The following APAF1 variants were observed in gnomAD, a reference collection of about 807,000 sequenced individuals.
APAF1 encodes the protein apoptotic protease-activating factor 1.
Under a neutral mutation model 152.4 loss-of-function variants are expected in APAF1, and 91 were observed. That is an observed-to-expected ratio of 0.60 (90% CI 0.50 to 0.71). The LOEUF (loss-of-function observed/expected upper bound fraction) is 0.71. Ranked by LOEUF, APAF1 falls within the 30% of genes least tolerant of loss-of-function variation. The pLI, the probability that APAF1 is intolerant of heterozygous loss-of-function variation, is 0.00. For synonymous variants in APAF1, 484 were observed against 494.1 expected (o/e 0.98, Z 0.27); for missense variants, 1,283 against 1,472.0 (o/e 0.87, Z 2.10).
Position 98,718,633 on chromosome 12 carries a change from G to A in APAF1, c.3084+3081G>A, listed in dbSNP as rs1450124015. Reference sequence around the variant, plus strand: ...CTGCAGCTCGTTCTCTTATTTTCACGAGGCATTAAAAATATGGCCTTACTG... The same window carrying A: ...CTGCAGCTCGTTCTCTTATTTTCACAAGGCATTAAAAATATGGCCTTACTG... On this transcript the variant is annotated intron_variant, in intron 22 of 26. Coordinates refer to ENST00000551964, the MANE Select transcript of APAF1 (RefSeq NM_181861.2). 2.6e-5 allele frequency among the ~76,000 whole-genome samples: 4 copies of A among 151,966 alleles called. No individual in the cohort carries two copies. The East Asian group carries it at 7.8e-4, about 29-fold the overall frequency.
chr12:98,664,926 T>C (rs779406623), intron 7 of APAF1, among the ~76,000 whole-genome samples: 1 of 152,236 alleles, frequency 6.6e-6, no homozygotes, highest in African/African-American at 2.4e-5. Context: ...TATTGATATA[T>C]CTTAATTTAT....
chr12:98,686,662 A>G, intron 15 of APAF1, 86 bp from the exon 16 acceptor site: 6 of 1,331,874 alleles, frequency 4.5e-6, no homozygotes, highest in Non-Finnish European at 6.3e-6. Context: ...AGCTTAAATG[A>G]GAGAAAAGGA....
rs1382425323 is a variant in APAF1 at position 98,735,232 on chromosome 12, C to G, written c.*2666C>G. On this transcript the variant is annotated 3_prime_UTR_variant, in exon 27 of 27. Transcript: ENST00000551964. Reference sequence around the variant, plus strand: ...AGATGAGCATTTCTAAAGCATTTTCCCTTGCTGTATTTTTTTGTATTATAA... The same window carrying G: ...AGATGAGCATTTCTAAAGCATTTTCGCTTGCTGTATTTTTTTGTATTATAA... 2.5e-6 allele frequency: 1 copy of G among 398,700 alleles called. No individual in the cohort carries two copies. Among genetic ancestry groups the G allele is most frequent in the African/African-American group, 2.1e-5 (1 of 48,520 alleles). 24.7% of individuals were successfully genotyped at this position (398,700 alleles called of 1,614,324 possible).
intron 13 of APAF1, among the ~76,000 whole-genome samples, chr12:98,677,943 T>C (rs1241475933): frequency 6.6e-6 from 1 of 152,130 alleles, no homozygotes; most frequent in Non-Finnish European, 1.5e-5. Flanking sequence ...TTCTTGTAAA[T>C]AGGAACTGGA....
intron 12 of APAF1, 79 bp from the exon 13 acceptor site, chr12:98,677,346 G>C: frequency 6.8e-7 from 1 of 1,461,676 alleles, no homozygotes; most frequent in East Asian, 2.4e-5. Flanking sequence ...TTAAAAGACA[G>C]TTTATTTTAG....
chr12:98,658,523 G>A (rs754177684), intron 4 of APAF1, among the ~76,000 whole-genome samples: 16 of 152,190 alleles, frequency 1.1e-4, no homozygotes, highest in Non-Finnish European at 1.9e-4. Context: ...ATGAGACTGA[G>A]GTTAAATGAT....
intron 5 of APAF1, among the ~76,000 whole-genome samples, chr12:98,661,524 T>TGG (rs2097665345): frequency 6.6e-6 from 1 of 152,138 alleles, no homozygotes; most frequent in South Asian, 2.1e-4. Context: ...TTGCCCAGGT[T>TGG]GGAGTGCAAT....
rs1159331242 is a variant in APAF1 at position 98,648,832 on chromosome 12, C to A, written c.328+17C>A. On this transcript the variant is annotated intron_variant, in intron 3 of 26. Coordinates refer to ENST00000551964, the MANE Select transcript of APAF1 (RefSeq NM_181861.2). ...CTTCGTATGGTTTGTATCCATTATA[C>A]CTTCTATCACTTTGCTATCAAAATT... The A allele has an allele frequency of 6.2e-7, 1 of 1,607,488 alleles. No individual in the cohort carries two copies. The highest frequency in any genetic ancestry group is 1.7e-4 in the Middle Eastern group (1 of 6,056).
chr12:98,659,771 AAGAG>A lies in APAF1; in HGVS notation c.710+434_710+437del, dbSNP rs1555214673. On this transcript the variant is annotated intron_variant, in intron 5 of 26. Transcript: ENST00000551964. ...CCATCAGAAAAAAAAAAAAAAAAAA[AAGAG>A]AGAGAAAGAAAGAAAGAACCATTGC... is the stretch of plus-strand genomic sequence containing the variant. Among the ~76,000 whole-genome samples the A allele has an allele frequency of 2.8e-4, 40 of 142,436 alleles. 1 individual carries two copies. The highest frequency in any genetic ancestry group is 3.8e-4 in the African/African-American group (13 of 34,394). 93.4% of individuals were successfully genotyped at this position (142,436 alleles called of 152,430 possible). A position where few individuals can be genotyped will look rare whatever the true frequency, so the allele number is the denominator to read the frequency against.
intron 21 of APAF1, among the ~76,000 whole-genome samples, chr12:98,714,593 C>T (rs1427175909): frequency 6.6e-6 from 1 of 151,990 alleles, no homozygotes; most frequent in Non-Finnish European, 1.5e-5. Flanking sequence ...TGCTATCCTG[C>T]CCTTGCCTCA....
At chr12:98,671,438 T>C (rs1410104431) in intron 11 of APAF1, 97 bp from the exon 12 acceptor site, 1 of 1,199,952 alleles carries the variant, frequency 8.3e-7, no homozygotes, top group Admixed American at 1.7e-5. Flanking sequence ...ATAAAGAATA[T>C]TTCATTTAAG....
At chr12:98,688,634 C>A (rs995815639) in intron 16 of APAF1, among the ~76,000 whole-genome samples, 1 of 124,212 alleles carries the variant, frequency 8.1e-6, no homozygotes, top group African/African-American at 3.1e-5. Flanking sequence ...TCACACCTGG[C>A]GAAATTTTTT....
intron 17 of APAF1, 35 bp downstream of exon 17, chr12:98,699,604 T>C (rs751585974): frequency 1.2e-5 from 20 of 1,607,132 alleles, no homozygotes; most frequent in Non-Finnish European, 1.6e-5. Context: ...CAGTCTGATT[T>C]AAAGAAAGTT....
At position 98,648,330 on chromosome 12, in the gene APAF1, C is replaced by G; in HGVS notation, c.-30C>G. ...TGTTTTGGCTGTAGCTCATGGTTGACAGCTCAGAGAGAGAAAGATCTGAGG... is the reference window on the plus strand; with the variant it reads ...TGTTTTGGCTGTAGCTCATGGTTGAGAGCTCAGAGAGAGAAAGATCTGAGG... On this transcript the variant is annotated 5_prime_UTR_variant, in exon 2 of 27. Coordinates refer to ENST00000551964, the MANE Select transcript of APAF1 (RefSeq NM_181861.2). The G allele has an allele frequency of 6.2e-7, 1 of 1,613,706 alleles. No individual in the cohort carries two copies. Among genetic ancestry groups the G allele is most frequent in the Non-Finnish European group, 8.5e-7 (1 of 1,179,792 alleles).
chr12:98,665,947 C>A (rs2097672141), intron 8 of APAF1, among the ~76,000 whole-genome samples, 156 bp downstream of exon 8: 1 of 152,168 alleles, frequency 6.6e-6, no homozygotes. Context: ...TGTTAGCTTC[C>A]ATTAAGGGCT....
intron 17 of APAF1, among the ~76,000 whole-genome samples, chr12:98,700,787 T>C (rs1442575986): frequency 6.6e-6 from 1 of 152,186 alleles, no homozygotes; most frequent in Non-Finnish European, 1.5e-5. Flanking sequence ...CCTCTCTTGC[T>C]AGACCTTTGT....
intron 20 of APAF1, 31 bp downstream of exon 20, chr12:98,708,735 T>C: frequency 6.2e-7 from 1 of 1,606,386 alleles, no homozygotes; most frequent in East Asian, 2.2e-5. Context: ...AATTGGAAAA[T>C]TGTTTTGGTT....
At chr12:98,719,963 G>A (rs2097740191) in intron 22 of APAF1, among the ~76,000 whole-genome samples, 1 of 152,134 alleles carries the variant, frequency 6.6e-6, no homozygotes, top group Non-Finnish European at 1.5e-5. Flanking sequence ...CAGTATGATT[G>A]CAATGAAATT....
At position 98,727,190 on chromosome 12, in the gene APAF1, C is replaced by T. The variant is rs144336881; in HGVS notation, c.3474C>T (p.Asn1158=). ...NGEIRIWNVS[N]GELLHLCAPL... ...TTATGTAGATATGGAATGTCTCAAA[C>T]GGTGAGCTTCTTCATTTGTGTGCTC... is the stretch of plus-strand genomic sequence containing the variant. The change falls in exon 26 of 27, where the codon AAC becomes AAT. Residue 1158 remains asparagine, a synonymous_variant. Transcript: ENST00000551964. The T allele has an allele frequency of 9.9e-5, 159 of 1,613,964 alleles. No individual in the cohort carries two copies. The highest frequency in any genetic ancestry group is 8.6e-4 in the South Asian group (78 of 91,080).
Sources: allele counts gnomAD v4.1 joint callset (sites outside exome capture counted in the v4.1 genomes callset), GRCh38; gene constraint gnomAD v4.1.1; transcripts MANE v1.5; gene names NCBI Gene and HGNC (gene_info 2026-07-23, HGNC 2026-07-21).